Variants in MAGI2 observed in about 807,000 individuals in gnomAD.
The protein encoded by MAGI2 is membrane-associated guanylate kinase, WW and PDZ domain-containing protein 2.
MAGI2 carries 35 observed loss-of-function variants against 133.3 expected under a neutral mutation model. The ratio of observed to expected loss-of-function variants is 0.26; its 90% CI spans 0.20 to 0.35. The LOEUF (loss-of-function observed/expected upper bound fraction) is 0.35, where lower values mean the gene tolerates loss of function less well. MAGI2 is among the 10% of genes least tolerant of loss of function. The pLI, the probability that MAGI2 is intolerant of heterozygous loss-of-function variation, is 1.00. For synonymous variants in MAGI2, 729 were observed against 710.6 expected (o/e 1.03, Z -0.41); for missense variants, 1,636 against 1,863.4 (o/e 0.88, Z 2.25).
At chr7:79,375,855 A>G (rs1390973635) in intron 1 of MAGI2, among the ~76,000 whole-genome samples, 1 of 151,940 alleles carries the variant, frequency 6.6e-6, no homozygotes, top group African/African-American at 2.4e-5. Context: ...TAAAATATTA[A>G]ATACCTTTTT....
intron 10 of MAGI2, among the ~76,000 whole-genome samples, chr7:78,240,447 G>T (rs1415444596): frequency 6.6e-6 from 1 of 152,100 alleles, no homozygotes; most frequent in Non-Finnish European, 1.5e-5. Context: ...ATAATGGAAT[G>T]GTATTCAGCC....
In MAGI2 at chr7:79,136,048, GGAAA is replaced by G. The variant is rs1397100255; in HGVS notation, c.302-128846_302-128843del. The stretch of plus-strand genomic sequence containing the variant: ...AAGAAGGAAAGAAAGAAAGAAAGAA[GGAAA>G]GAAAGAAAGAAAGAAGGAAAGAAAG... On this transcript the variant is annotated intron_variant, in intron 1 of 21. Transcript: ENST00000354212. 6.1e-3 allele frequency among the ~76,000 whole-genome samples: 392 copies of G among 64,464 alleles called. 3 individuals are homozygous for G. The highest frequency in any genetic ancestry group is 0.012 in the Middle Eastern group (1 of 82). 42.3% of individuals were successfully genotyped at this position (64,464 alleles called of 152,430 possible). A position where few individuals can be genotyped will look rare whatever the true frequency, so the allele number is the denominator to read the frequency against.
At chr7:78,956,739 T>C (rs1007813269) in intron 2 of MAGI2, among the ~76,000 whole-genome samples, 1 of 152,136 alleles carries the variant, frequency 6.6e-6, no homozygotes, top group South Asian at 2.1e-4. Context: ...GTTCTGAAGA[T>C]AGTGCCCGTT....
intron 6 of MAGI2, among the ~76,000 whole-genome samples, chr7:78,459,908 G>C (rs930097405): frequency 6.6e-6 from 1 of 152,186 alleles, no homozygotes; most frequent in Non-Finnish European, 1.5e-5. Flanking sequence ...AGCCATTTTG[G>C]TGAATGCAGA....
At chr7:78,666,981 G>A (rs551429823) in intron 2 of MAGI2, among the ~76,000 whole-genome samples, 65 of 152,232 alleles carry the variant, frequency 4.3e-4, no homozygotes, top group African/African-American at 1.6e-3. Context: ...AGACTATGGA[G>A]ACTATATTTT....
intron 2 of MAGI2, among the ~76,000 whole-genome samples, chr7:78,954,030 T>A (rs1472782749): frequency 6.6e-6 from 1 of 152,186 alleles, no homozygotes; most frequent in Non-Finnish European, 1.5e-5. Context: ...TCATTAGACA[T>A]ACTACGCATT....
chr7:78,566,646 A>G (rs1368528772), intron 3 of MAGI2, among the ~76,000 whole-genome samples: 2 of 152,150 alleles, frequency 1.3e-5, no homozygotes, highest in African/African-American at 4.8e-5. Flanking sequence ...TATGTGTAGT[A>G]AAATCTATCA....
intron 6 of MAGI2, among the ~76,000 whole-genome samples, chr7:78,482,984 A>C (rs1484740502): frequency 6.7e-6 from 1 of 149,118 alleles, no homozygotes; most frequent in East Asian, 2.1e-4. Context: ...TACCTGGCAA[A>C]ATACAATCTG....
chr7:78,086,824 G>A (rs756961396), intron 20 of MAGI2, among the ~76,000 whole-genome samples: 9 of 150,668 alleles, frequency 6.0e-5, no homozygotes, highest in South Asian at 2.1e-4. Context: ...TGGTAAAGAC[G>A]GGGTTTCGCC....
intron 2 of MAGI2, among the ~76,000 whole-genome samples, chr7:78,893,116 G>A (rs62467695): frequency 0.5 from 72,914 of 146,586 alleles, 18,908 homozygotes; most frequent in South Asian, 0.66. Flanking sequence ...GCAGCCAAAA[G>A]ACACATGAAA....
At chr7:78,047,136 G>A (rs3807772) in intron 21 of MAGI2, among the ~76,000 whole-genome samples, 10,166 of 152,264 alleles carry the variant, frequency 0.067, 341 homozygotes, top group South Asian at 0.077. Context: ...GGATGACGAT[G>A]GGGGTTCTGT....
At chr7:78,675,895 A>G (rs983460467) in intron 2 of MAGI2, among the ~76,000 whole-genome samples, 1 of 152,166 alleles carries the variant, frequency 6.6e-6, no homozygotes, top group Non-Finnish European at 1.5e-5. Flanking sequence ...CTAGTGTTCC[A>G]TGCACACTGG....
chr7:78,077,116 G>A (rs1416660892), intron 21 of MAGI2, among the ~76,000 whole-genome samples: 7 of 152,004 alleles, frequency 4.6e-5, no homozygotes, highest in African/African-American at 7.2e-5. Context: ...AAAAGCTCAG[G>A]ATAGTCATGC....
intron 2 of MAGI2, among the ~76,000 whole-genome samples, chr7:78,804,571 A>T (rs1788356862): frequency 6.6e-6 from 1 of 150,712 alleles, no homozygotes; most frequent in African/African-American, 2.4e-5. Context: ...ACACGGTGAA[A>T]CCCCGTCTCT....
chr7:78,424,496 A>G (rs572462894), intron 6 of MAGI2, among the ~76,000 whole-genome samples: 2 of 152,272 alleles, frequency 1.3e-5, no homozygotes, highest in Admixed American at 1.3e-4. Context: ...CTAGTGGAGC[A>G]GTGAAAAAAG....
At chr7:78,060,625 C>G (rs548605291) in intron 21 of MAGI2, among the ~76,000 whole-genome samples, 2 of 152,140 alleles carry the variant, frequency 1.3e-5, no homozygotes, top group African/African-American at 4.8e-5. Flanking sequence ...TTCTGATTGC[C>G]GGACTTGGGA....
At chr7:78,608,794 C>A (rs536983855) in intron 3 of MAGI2, among the ~76,000 whole-genome samples, 1 of 152,244 alleles carries the variant, frequency 6.6e-6, no homozygotes, top group Non-Finnish European at 1.5e-5. Flanking sequence ...AGGGCAAAAC[C>A]ACTTTTGTCC....
intron 3 of MAGI2, among the ~76,000 whole-genome samples, chr7:78,544,790 C>T (rs907797349): frequency 4.0e-5 from 6 of 151,832 alleles, no homozygotes; most frequent in African/African-American, 9.7e-5. Flanking sequence ...GCTGAGATCA[C>T]GCCATTGCAC....
chr7:78,911,618 G>A (rs1798403673), intron 2 of MAGI2, among the ~76,000 whole-genome samples: 1 of 151,910 alleles, frequency 6.6e-6, no homozygotes, highest in Non-Finnish European at 1.5e-5. Flanking sequence ...GTAGCTCTAA[G>A]GGAATAAGGC....
Sources: gnomAD v4.1 joint callset for allele counts (sites outside exome capture counted in the v4.1 genomes callset) on GRCh38, gnomAD v4.1.1 for gene constraint, MANE v1.5 for transcripts, NCBI Gene and HGNC (gene_info 2026-07-23, HGNC 2026-07-21) for gene names.